PID1: variants seen among roughly 807,000 people sequenced by gnomAD.
PID1 encodes phosphotyrosine interaction domain containing 1.
A neutral mutation model predicts 19.1 loss-of-function variants in PID1; 10 were observed. The ratio of observed to expected loss-of-function variants is 0.52; its 90% CI spans 0.32 to 0.89. The LOEUF (loss-of-function observed/expected upper bound fraction) is 0.89. PID1 is among the 40% of genes least tolerant of loss of function. The pLI is 0.03. For synonymous variants in PID1, 130 were observed against 116.0 expected (o/e 1.12, Z -0.78); for missense variants, 248 against 285.3 (o/e 0.87, Z 0.94).
intron 2 of PID1, among the ~76,000 whole-genome samples, chr2:229,139,115 G>GAAAGAAAGAGAAAGAA (rs1210728895): frequency 1.4e-3 from 65 of 47,992 alleles, no homozygotes; most frequent in Admixed American, 4.1e-3. Context: ...AAGAAAGAAA[G>GAAAGAAAGAGAAAGAA]AGAAAGAAAG....
chr2:229,246,468 G>T (rs1367516452), intron 1 of PID1, among the ~76,000 whole-genome samples: 2 of 152,064 alleles, frequency 1.3e-5, no homozygotes, highest in African/African-American at 2.4e-5. Context: ...GGCTTCCTTG[G>T]TTACATACCC....
At chr2:229,117,579 G>A (rs528313420) in intron 2 of PID1, among the ~76,000 whole-genome samples, 1 of 152,166 alleles carries the variant, frequency 6.6e-6, no homozygotes, top group Non-Finnish European at 1.5e-5. Flanking sequence ...TTCCATTGCT[G>A]TGTGAAAGAG....
intron 1 of PID1, among the ~76,000 whole-genome samples, chr2:229,216,719 T>C (rs771778062): frequency 2.6e-5 from 4 of 152,078 alleles, no homozygotes; most frequent in Non-Finnish European, 5.9e-5. Flanking sequence ...ATAAAACCCA[T>C]AAACAAAACC....
At chr2:229,068,636 T>C (rs1371177255) in intron 2 of PID1, among the ~76,000 whole-genome samples, 1 of 152,104 alleles carries the variant, frequency 6.6e-6, no homozygotes, top group South Asian at 2.1e-4. Flanking sequence ...TTCCTTGAGG[T>C]GAAAAGCGAG....
intron 2 of PID1, among the ~76,000 whole-genome samples, chr2:229,034,340 T>A (rs1693616211): frequency 6.6e-6 from 1 of 152,222 alleles, no homozygotes; most frequent in South Asian, 2.1e-4. Flanking sequence ...ATGCTTTATA[T>A]GGATCATTAA....
intron 2 of PID1, among the ~76,000 whole-genome samples, chr2:229,145,238 A>G (rs1690105815): frequency 6.7e-6 from 1 of 149,064 alleles, no homozygotes; most frequent in African/African-American, 2.5e-5. Context: ...TAAGTATCAT[A>G]TTTGTATAAA....
intron 2 of PID1, among the ~76,000 whole-genome samples, chr2:229,089,917 CAGA>C (rs574672589): frequency 3.3e-4 from 50 of 152,236 alleles, no homozygotes; most frequent in African/African-American, 1.1e-3. Flanking sequence ...AAATGAGAGA[CAGA>C]AGAACTGAAA....
chr2:229,035,458 C>T (rs1183756738), intron 2 of PID1, among the ~76,000 whole-genome samples: 2 of 152,042 alleles, frequency 1.3e-5, no homozygotes, highest in Admixed American at 1.3e-4. Flanking sequence ...CCACCCCCCT[C>T]CTTCCCTCTA....
chr2:229,051,067 T>A (rs1693986393), intron 2 of PID1, among the ~76,000 whole-genome samples: 1 of 152,198 alleles, frequency 6.6e-6, no homozygotes, highest in Non-Finnish European at 1.5e-5. Context: ...TAGGATTCTC[T>A]ACATGTACTC....
At chr2:229,208,333 T>A (rs1185339747) in intron 1 of PID1, among the ~76,000 whole-genome samples, 1 of 152,240 alleles carries the variant, frequency 6.6e-6, no homozygotes, top group Non-Finnish European at 1.5e-5. Context: ...AGATCACCAC[T>A]TTATCTTGCA....
intron 2 of PID1, among the ~76,000 whole-genome samples, chr2:229,116,130 G>A (rs1205542687): frequency 2.0e-5 from 3 of 152,096 alleles, no homozygotes; most frequent in African/African-American, 7.2e-5. Context: ...TGGAGGCTGA[G>A]GCAGGAGAAT....
chr2:229,066,475 C>G (rs1351498189), intron 2 of PID1, among the ~76,000 whole-genome samples: 7 of 151,980 alleles, frequency 4.6e-5, no homozygotes, highest in Non-Finnish European at 8.8e-5. Flanking sequence ...TTTTGAAAAC[C>G]ATTCTAACTT....
intron 2 of PID1, among the ~76,000 whole-genome samples, chr2:229,145,575 A>AG (rs1316537057): frequency 7.9e-5 from 12 of 152,158 alleles, no homozygotes; most frequent in African/African-American, 2.9e-4. Context: ...GGAAATCATA[A>AG]GGGGAAAATA....
At chr2:229,066,553 A>G (rs1430196636) in intron 2 of PID1, among the ~76,000 whole-genome samples, 1 of 152,136 alleles carries the variant, frequency 6.6e-6, no homozygotes, top group Non-Finnish European at 1.5e-5. Context: ...GGATGAAGTC[A>G]GAGGCACCGT....
intron 2 of PID1, among the ~76,000 whole-genome samples, chr2:229,134,231 GTTTTTT>G (rs60513006): frequency 0.54 from 58,669 of 109,512 alleles, 14,137 homozygotes; most frequent in Admixed American, 0.63. Flanking sequence ...TACTACCTGT[GTTTTTT>G]TTTTTTTTTT....
At chr2:229,035,566 T>G (rs1693647492) in intron 2 of PID1, among the ~76,000 whole-genome samples, 1 of 151,652 alleles carries the variant, frequency 6.6e-6, no homozygotes, top group Non-Finnish European at 1.5e-5. Flanking sequence ...ACTCCTTTGT[T>G]GCAAATGCAA....
At chr2:229,041,426 A>G (rs949449679) in intron 2 of PID1, among the ~76,000 whole-genome samples, 1 of 152,218 alleles carries the variant, frequency 6.6e-6, no homozygotes, top group East Asian at 1.9e-4. Flanking sequence ...ATTGATATAA[A>G]TAGATAAATG....
chr2:229,038,753 T>C (rs1354911223), intron 2 of PID1, among the ~76,000 whole-genome samples: 1 of 152,176 alleles, frequency 6.6e-6, no homozygotes, highest in Non-Finnish European at 1.5e-5. Context: ...GCAACAGTTA[T>C]GAAATCCACT....
intron 1 of PID1, among the ~76,000 whole-genome samples, chr2:229,217,560 C>T (rs1691876182): frequency 6.6e-6 from 1 of 152,120 alleles, no homozygotes; most frequent in Non-Finnish European, 1.5e-5. Flanking sequence ...ACATGAGACC[C>T]AGCTCAAACG....
Sources: gnomAD v4.1 joint callset for allele counts (sites outside exome capture counted in the v4.1 genomes callset) on GRCh38, gnomAD v4.1.1 for gene constraint, MANE v1.5 for transcripts, NCBI Gene and HGNC (gene_info 2026-07-23, HGNC 2026-07-21) for gene names.